EGFLAM: variants seen among roughly 807,000 people sequenced by gnomAD.
EGFLAM encodes pikachurin.
A neutral mutation model predicts 113.1 loss-of-function variants in EGFLAM; 79 were observed. That is an observed-to-expected ratio of 0.70 (90% confidence interval 0.58 to 0.84). The LOEUF is 0.84. EGFLAM is among the 40% of genes least tolerant of loss of function. The pLI, the probability that EGFLAM is intolerant of heterozygous loss-of-function variation, is 0.00. For synonymous variants in EGFLAM, 504 were observed against 487.6 expected (o/e 1.03, Z -0.44); for missense variants, 1,265 against 1,291.6 (o/e 0.98, Z 0.32).
At chr5:38,412,978 A>C (rs1274255829) in intron 11 of EGFLAM, among the ~76,000 whole-genome samples, 1 of 152,126 alleles carries the variant, frequency 6.6e-6, no homozygotes, top group Non-Finnish European at 1.5e-5. Context: ...AGTACATCAA[A>C]GCCAGCAGTA....
intron 12 of EGFLAM, among the ~76,000 whole-genome samples, chr5:38,418,671 A>G (rs911220087): frequency 3.3e-5 from 5 of 152,174 alleles, no homozygotes; most frequent in African/African-American, 1.2e-4. Flanking sequence ...GTCACATTCT[A>G]ATTTGTGATC....
intron 5 of EGFLAM, among the ~76,000 whole-genome samples, chr5:38,362,073 A>G (rs1467090731): frequency 6.6e-6 from 1 of 152,132 alleles, no homozygotes; most frequent in East Asian, 1.9e-4. Context: ...CTCACCCACT[A>G]CAGAAATAAA....
chr5:38,264,059 G>A (rs1475977610), intron 1 of EGFLAM, among the ~76,000 whole-genome samples: 2 of 152,174 alleles, frequency 1.3e-5, no homozygotes, highest in Non-Finnish European at 2.9e-5. Context: ...GACAGCCGTG[G>A]CATGTCTGGG....
chr5:38,411,447 C>A (rs1031440484), intron 10 of EGFLAM, among the ~76,000 whole-genome samples: 2 of 150,244 alleles, frequency 1.3e-5, no homozygotes, highest in Admixed American at 6.6e-5. Context: ...GAAAAGAAAA[C>A]GGGAATGCGG....
intron 1 of EGFLAM, among the ~76,000 whole-genome samples, chr5:38,266,935 C>T (rs1336193403): frequency 6.6e-6 from 1 of 152,174 alleles, no homozygotes; most frequent in African/African-American, 2.4e-5. Flanking sequence ...ATAGACCGGG[C>T]TCACTCAGTC....
intron 1 of EGFLAM, chr5:38,282,739 T>G (rs191000727): frequency 1.8e-3 from 272 of 152,368 alleles, no homozygotes; most frequent in African/African-American, 6.3e-3. Context: ...TCATACTAGG[T>G]TTATACACTG....
intron 11 of EGFLAM, among the ~76,000 whole-genome samples, chr5:38,413,248 T>G (rs1360442140): frequency 7.0e-6 from 1 of 143,390 alleles, no homozygotes; most frequent in East Asian, 2.0e-4. Context: ...AGGCTGGTCA[T>G]GAACTCCTGG....
At chr5:38,437,024 C>CT (rs1418101352) in intron 16 of EGFLAM, among the ~76,000 whole-genome samples, 1 of 152,172 alleles carries the variant, frequency 6.6e-6, no homozygotes, top group African/African-American at 2.4e-5. Context: ...CTTACTGTCT[C>CT]GAAGTTCTGC....
chr5:38,461,233 G>T (rs1279504646), intron 20 of EGFLAM: 1 of 152,114 alleles, frequency 6.6e-6, no homozygotes, highest in Non-Finnish European at 1.5e-5. Flanking sequence ...TTCATCATCT[G>T]GGATGAGCCT....
intron 6 of EGFLAM, among the ~76,000 whole-genome samples, chr5:38,377,721 G>A (rs1401748256): frequency 6.6e-6 from 1 of 152,010 alleles, no homozygotes; most frequent in African/African-American, 2.4e-5. Flanking sequence ...ATAAGGAAAA[G>A]GTAAACAAAT....
Position 38,427,138 on chromosome 5 carries a change from A to T in EGFLAM, c.1940A>T (p.Asp647Val). Residue 647 changes from aspartate (D) to valine (V), a missense_variant, in exon 14 of 22, where the codon GAT becomes GTT. Coordinates refer to ENST00000322350, the MANE Select transcript of EGFLAM (RefSeq NM_152403.4). The stretch of plus-strand genomic sequence containing the variant: ...ATCACATTTCGGCCAGACTCAGGAG[A>T]TGGTGTCCTCCTGTACAGCTATGAC... ...FEITFRPDSG[D>V]GVLLYSYDTG... 1 of 1,614,066 alleles carries T rather than the reference A, an allele frequency of 6.2e-7. No homozygotes were observed. The highest frequency in any genetic ancestry group is 8.5e-7 in the Non-Finnish European group (1 of 1,180,018).
chr5:38,342,763 A>G (rs1217362518), intron 3 of EGFLAM, among the ~76,000 whole-genome samples: 1 of 152,236 alleles, frequency 6.6e-6, no homozygotes, highest in Non-Finnish European at 1.5e-5. Flanking sequence ...GCATGCCATC[A>G]GTTAAAAAAT....
chr5:38,383,558 T>C (rs1032400708), intron 6 of EGFLAM, among the ~76,000 whole-genome samples: 5 of 152,206 alleles, frequency 3.3e-5, no homozygotes, highest in African/African-American at 4.8e-5. Context: ...ATTTGATGTC[T>C]GTTTATGCCC....
At chr5:38,385,842 G>A (rs893404266) in intron 6 of EGFLAM, among the ~76,000 whole-genome samples, 1 of 152,204 alleles carries the variant, frequency 6.6e-6, no homozygotes, top group African/African-American at 2.4e-5. Flanking sequence ...TCTGAGAAAT[G>A]CACCATTAGG....
At chr5:38,294,454 G>A (rs1483088478) in intron 1 of EGFLAM, among the ~76,000 whole-genome samples, 1 of 152,118 alleles carries the variant, frequency 6.6e-6, no homozygotes, top group Non-Finnish European at 1.5e-5. Flanking sequence ...CCATTTTGGG[G>A]CAGGAGATTA....
intron 5 of EGFLAM, among the ~76,000 whole-genome samples, chr5:38,355,351 G>T (rs1054915432): frequency 2.0e-5 from 3 of 152,118 alleles, no homozygotes; most frequent in South Asian, 2.1e-4. Context: ...TATGATGAAG[G>T]GGGGAGTCTG....
intron 1 of EGFLAM, among the ~76,000 whole-genome samples, chr5:38,303,907 A>G (rs547611549): frequency 2.6e-4 from 39 of 152,190 alleles, no homozygotes; most frequent in Non-Finnish European, 5.4e-4. Flanking sequence ...AGGCTGAGGC[A>G]GGTGGATCAC....
chr5:38,299,675 A>T (rs1245580933), intron 1 of EGFLAM, among the ~76,000 whole-genome samples: 1 of 152,094 alleles, frequency 6.6e-6, no homozygotes, highest in African/African-American at 2.4e-5. Context: ...ACCAGAGGTC[A>T]TCTCACTCTG....
chr5:38,309,712 G>GT (rs1738368442), intron 1 of EGFLAM, among the ~76,000 whole-genome samples: 1 of 152,158 alleles, frequency 6.6e-6, no homozygotes, highest in African/African-American at 2.4e-5. Flanking sequence ...GCAGCTCCCC[G>GT]TGTGGCTGGT....
Sources: allele counts gnomAD v4.1 joint callset (sites outside exome capture counted in the v4.1 genomes callset), GRCh38; gene constraint gnomAD v4.1.1; transcripts MANE v1.5; gene names NCBI Gene and HGNC (gene_info 2026-07-23, HGNC 2026-07-21).